BCAS3: variants seen among roughly 807,000 people sequenced by gnomAD.
The protein encoded by BCAS3 is BCAS4/BCAS3 fusion.
Under a neutral mutation model 116.1 loss-of-function variants are expected in BCAS3, and 53 were observed. The observed-to-expected ratio is 0.46, with a 90% CI of 0.37 to 0.57. The LOEUF (loss-of-function observed/expected upper bound fraction) is 0.57, where lower values mean the gene tolerates loss of function less well. Ranked by LOEUF, BCAS3 falls within the 20% of genes least tolerant of loss-of-function variation. The probability of loss-of-function intolerance (pLI) is 0.00; values close to 1 mark genes in which losing one functional copy is unlikely to be tolerated. For missense variants in BCAS3, 917 were observed against 1,165.4 expected (o/e 0.79, Z 3.10); for synonymous variants, 391 against 408.2 (o/e 0.96, Z 0.51).
In BCAS3 at chr17:61,019,097, A is replaced by G. The variant is rs2065695472; in HGVS notation, c.1637+3196A>G. 6.6e-6 allele frequency among the ~76,000 whole-genome samples: 1 copy of G among 152,192 alleles called. No individual in the cohort carries two copies. The highest frequency in any genetic ancestry group is 2.1e-4 in the South Asian group (1 of 4,830). Reference sequence around the variant, plus strand: ...CAGAGGTCCCCAACCCCTGGGCCACAGACTGGTGCTAGTCCCTGGCCTGTT... The same window carrying G: ...CAGAGGTCCCCAACCCCTGGGCCACGGACTGGTGCTAGTCCCTGGCCTGTT... On this transcript the variant is annotated intron_variant, in intron 16 of 23. Transcript: ENST00000407086. This position sits in a 1 kb window ranked among gnomAD's most constrained non-coding sequence, Gnocchi z 5.6.
chr17:61,097,369 G>A lies in BCAS3; in HGVS notation c.2425+12805G>A, dbSNP rs1446957694. 3.3e-5 allele frequency among the ~76,000 whole-genome samples: 5 copies of A among 152,116 alleles called. No individual in the cohort carries two copies. Among genetic ancestry groups the A allele is most frequent in the East Asian group, 1.9e-4 (1 of 5,168 alleles). On this transcript the variant is annotated intron_variant, in intron 22 of 23. Transcript: ENST00000407086. The surrounding 1 kb of genome is among the most constrained non-coding windows in gnomAD (Gnocchi z 4.0). Reference sequence around the variant, plus strand: ...AATTTTTTGTATTTTTAATAGAGACGGGATTTCACCATGTTAGCCAGGATG... The same window carrying A: ...AATTTTTTGTATTTTTAATAGAGACAGGATTTCACCATGTTAGCCAGGATG...
At chr17:61,099,206 G>C (rs2074166689) in intron 22 of BCAS3, among the ~76,000 whole-genome samples, 2 of 152,138 alleles carry the variant, frequency 1.3e-5, no homozygotes, top group Non-Finnish European at 2.9e-5. Flanking sequence ...GGGGAAAAAT[G>C]ATGGCTTATA....
intron 7 of BCAS3, among the ~76,000 whole-genome samples, chr17:60,865,566 A>G (rs747059198): frequency 2.0e-5 from 3 of 152,196 alleles, no homozygotes; most frequent in Non-Finnish European, 4.4e-5. Flanking sequence ...TCAGTTTCAA[A>G]TTGTTCATTT....
At chr17:60,868,354 T>C (rs1220821141) in intron 7 of BCAS3, among the ~76,000 whole-genome samples, 1 of 152,156 alleles carries the variant, frequency 6.6e-6, no homozygotes, top group Non-Finnish European at 1.5e-5. Context: ...TGTGTAGTAC[T>C]AATTTGGTGA....
At chr17:60,879,143 G>A (rs964664235) in intron 9 of BCAS3, among the ~76,000 whole-genome samples, 4 of 152,164 alleles carry the variant, frequency 2.6e-5, no homozygotes, top group African/African-American at 9.7e-5. Context: ...ATTTGTGGTA[G>A]TTCATTTGCC....
chr17:61,278,766 G>A lies in BCAS3; in HGVS notation c.2426-89561G>A, dbSNP rs1429297192. Among the ~76,000 whole-genome samples the A allele has an allele frequency of 2.0e-5, 3 of 152,128 alleles. No homozygotes were observed. The highest frequency in any genetic ancestry group is 2.9e-5 in the Non-Finnish European group (2 of 68,032). ...CCACTTATATGACATGTCCAGAATAGGAAAATCTATAGAGACAGAAAGTAG... is the reference window on the plus strand; with the variant it reads ...CCACTTATATGACATGTCCAGAATAAGAAAATCTATAGAGACAGAAAGTAG... On this transcript the variant is annotated intron_variant, in intron 22 of 23. Transcript: ENST00000407086. This position sits in a 1 kb window ranked among gnomAD's most constrained non-coding sequence, Gnocchi z 5.8.
At chr17:60,741,112 C>T (rs964857579) in intron 5 of BCAS3, among the ~76,000 whole-genome samples, 3 of 152,152 alleles carry the variant, frequency 2.0e-5, no homozygotes, top group African/African-American at 4.8e-5. Flanking sequence ...CTGAGGTTCT[C>T]GCTTGTGGAT....
chr17:60,783,893 C>CTTCTCTGG (rs1183645698), intron 6 of BCAS3, among the ~76,000 whole-genome samples: 1 of 152,130 alleles, frequency 6.6e-6, no homozygotes, highest in Non-Finnish European at 1.5e-5. Context: ...TTCTCTTTGA[C>CTTCTCTGG]TTCTCTGGAG....
In BCAS3 at chr17:61,084,990, A is replaced by G. The variant is rs1382911252; in HGVS notation, c.2425+426A>G. 2.0e-5 allele frequency among the ~76,000 whole-genome samples: 3 copies of G among 152,198 alleles called. No homozygotes were observed. The highest frequency in any genetic ancestry group is 7.2e-5 in the African/African-American group (3 of 41,458). ...CAAATGCTATAGCTTGAATGATTTT[A>G]TTATCAAAAGCATCAAGTTTAAAAA... On this transcript the variant is annotated intron_variant, in intron 22 of 23. Coordinates refer to ENST00000407086, the MANE Select transcript of BCAS3 (RefSeq NM_017679.5). The surrounding 1 kb of genome is among the most constrained non-coding windows in gnomAD (Gnocchi z 5.5).
chr17:61,306,389 G>C (rs190722259), intron 22 of BCAS3, among the ~76,000 whole-genome samples: 197 of 152,292 alleles, frequency 1.3e-3, no homozygotes, highest in Non-Finnish European at 2.3e-3. Flanking sequence ...TTAGAGAATA[G>C]CACACTTTGT....
rs1374078706 is a variant in BCAS3 at position 61,362,526 on chromosome 17, C to T, written c.2426-5801C>T. On this transcript the variant is annotated intron_variant, in intron 22 of 23. Transcript: ENST00000407086. This position sits in a 1 kb window ranked among gnomAD's most constrained non-coding sequence, Gnocchi z 4.4. The stretch of plus-strand genomic sequence containing the variant: ...CATCCTACCTGTCCCCCTCCACCTG[C>T]AGTCACTAGGCTTCCTTGCCTCTTT... Among the ~76,000 whole-genome samples, 1 of 152,206 alleles carries T rather than the reference C, an allele frequency of 6.6e-6. No homozygotes were observed. The highest frequency in any genetic ancestry group is 1.5e-5 in the Non-Finnish European group (1 of 68,038).
At position 61,337,552 on chromosome 17, in the gene BCAS3, T is replaced by C. The variant is rs1457401404; in HGVS notation, c.2426-30775T>C. Among the ~76,000 whole-genome samples the C allele has an allele frequency of 1.3e-5, 2 of 152,212 alleles. No homozygotes were observed. Among genetic ancestry groups the C allele is most frequent in the African/African-American group, 4.8e-5 (2 of 41,466 alleles). On this transcript the variant is annotated intron_variant, in intron 22 of 23. Transcript: ENST00000407086. The surrounding 1 kb of genome is among the most constrained non-coding windows in gnomAD (Gnocchi z 4.8). ...TCCTCCTGCCAAGATCCTGCCAGGC[T>C]TCCCTCGCCTTTGATTTGCCAAATT...
chr17:61,369,964 G>C (rs541756161), intron 23 of BCAS3, among the ~76,000 whole-genome samples: 1 of 152,308 alleles, frequency 6.6e-6, no homozygotes, highest in East Asian at 1.9e-4. Flanking sequence ...TCCCTCTTCC[G>C]AGGCCTGGAG....
intron 9 of BCAS3, among the ~76,000 whole-genome samples, chr17:60,878,306 G>C (rs1037386666): frequency 6.6e-6 from 1 of 152,066 alleles, no homozygotes; most frequent in Admixed American, 6.6e-5. Flanking sequence ...CTCCATGCCC[G>C]GCCAGTAATG....
intron 6 of BCAS3, among the ~76,000 whole-genome samples, chr17:60,799,735 T>TTTTTTTTTA (rs1429156594): frequency 5.0e-5 from 5 of 100,566 alleles, no homozygotes; most frequent in African/African-American, 1.7e-4. Context: ...TTTTTTTTTT[T>TTTTTTTTTA]AGTAGAACTG....
At chr17:60,755,838 G>A (rs570203613) in intron 6 of BCAS3, among the ~76,000 whole-genome samples, 12 of 151,828 alleles carry the variant, frequency 7.9e-5, no homozygotes, top group Non-Finnish European at 1.5e-4. Flanking sequence ...TACATGTTAT[G>A]CGGTACTTGT....
chr17:61,052,930 C>T (rs1429815726), intron 19 of BCAS3, among the ~76,000 whole-genome samples: 1 of 151,844 alleles, frequency 6.6e-6, no homozygotes, highest in Middle Eastern at 3.2e-3. Flanking sequence ...GTTGGCTAGG[C>T]TGGTCTTGAA....
intron 22 of BCAS3, among the ~76,000 whole-genome samples, chr17:61,321,357 C>T (rs1437388179): frequency 1.3e-5 from 2 of 152,202 alleles, no homozygotes; most frequent in Non-Finnish European, 2.9e-5. Context: ...CCTTCTACCC[C>T]ACCTCCCATC....
At chr17:61,155,004 T>C (rs11655024) in intron 22 of BCAS3, among the ~76,000 whole-genome samples, 97,558 of 151,632 alleles carry the variant, frequency 0.64, 37,616 homozygotes, top group South Asian at 0.92. Flanking sequence ...CTTGAAATTT[T>C]CTTTTGAGTA....
Sources: allele counts gnomAD v4.1 joint callset (sites outside exome capture counted in the v4.1 genomes callset), GRCh38; gene constraint gnomAD v4.1.1; non-coding constraint Gnocchi (gnomAD v3.1); transcripts MANE v1.5; gene names NCBI Gene and HGNC (gene_info 2026-07-23, HGNC 2026-07-21).